The following SCN8A variants were observed in gnomAD, a reference collection of about 807,000 sequenced individuals.
SCN8A encodes sodium channel protein type 8 subunit alpha.
Under a neutral mutation model 184.1 loss-of-function variants are expected in SCN8A, and 30 were observed. The ratio of observed to expected loss-of-function variants is 0.16; its 90% confidence interval spans 0.12 to 0.22. The LOEUF (loss-of-function observed/expected upper bound fraction) is 0.22. SCN8A is among the 10% of genes least tolerant of loss of function. The probability of loss-of-function intolerance (pLI) is 1.00; values close to 1 mark genes in which losing one functional copy is unlikely to be tolerated. For synonymous variants in SCN8A, 852 were observed against 907.0 expected (o/e 0.94, Z 1.09); for missense variants, 1,057 against 2,498.9 (o/e 0.42, Z 12.30).
At position 51,711,598 on chromosome 12, in the gene SCN8A, C is replaced by G. The variant is rs1175060028; in HGVS notation, c.1635+4883C>G. The stretch of plus-strand genomic sequence containing the variant: ...GCTCCTAACCACCCCTTCTTTATTC[C>G]TGCACACGTACATGATCATCTCTTC... On this transcript the variant is annotated intron_variant, in intron 11 of 26. Coordinates refer to ENST00000627620, the MANE Select transcript of SCN8A (RefSeq NM_001330260.2). 2.0e-5 allele frequency among the ~76,000 whole-genome samples: 3 copies of G among 152,192 alleles called. No homozygotes were observed. The East Asian group carries it at 5.8e-4, about 29-fold the overall frequency.
At position 51,790,409 on chromosome 12, in the gene SCN8A, G is replaced by A. The variant is rs776206055; in HGVS notation, c.4431G>A (p.Gln1477=). Residue 1477 remains glutamine, a synonymous_variant, in exon 25 of 27, where the codon CAG becomes CAA. Transcript: ENST00000627620. Reference sequence around the variant, plus strand: ...CTTCCCTCCTTTACTTCGGAGGTCAGGACATCTTCATGACCGAAGAACAGA... The same window carrying A: ...CTTCCCTCCTTTACTTCGGAGGTCAAGACATCTTCATGACCGAAGAACAGA... The part of the protein sequence containing the change: ...FNQQKKKFGG[Q]DIFMTEEQKK... The A allele has an allele frequency of 1.9e-6, 3 of 1,606,482 alleles. No homozygotes were observed. Among genetic ancestry groups the A allele is most frequent in the East Asian group, 2.2e-5 (1 of 44,666 alleles).
rs557106910 is a variant in SCN8A, at chr12:51,773,025, G to A, written c.3646-1164G>A. 2.0e-5 allele frequency among the ~76,000 whole-genome samples: 3 copies of A among 152,210 alleles called. 1 individual carries two copies. Among genetic ancestry groups the A allele is most frequent in the African/African-American group, 7.2e-5 (3 of 41,520 alleles). On this transcript the variant is annotated intron_variant, in intron 19 of 26. Transcript: ENST00000627620. ...CCAGCTACTCGGAAGGCTGAGGCAG[G>A]AGAATGGCATGAACCCGGGAGGTGG...
At chr12:51,653,822 CA>C (rs2138657093) in intron 1 of SCN8A, among the ~76,000 whole-genome samples, 1 of 152,272 alleles carries the variant, frequency 6.6e-6, no homozygotes, top group Admixed American at 6.5e-5. Flanking sequence ...CATCCTCACC[CA>C]TACTTGTTAT....
intron 1 of SCN8A, among the ~76,000 whole-genome samples, chr12:51,629,115 G>C (rs576306126): frequency 6.6e-6 from 1 of 152,174 alleles, no homozygotes; most frequent in Non-Finnish European, 1.5e-5. Context: ...GCTCGTAGAG[G>C]CAAATTCTAA....
chr12:51,639,350 T>C (rs1258408268), intron 1 of SCN8A, among the ~76,000 whole-genome samples: 3 of 152,224 alleles, frequency 2.0e-5, no homozygotes, highest in Non-Finnish European at 4.4e-5. Context: ...ATTTAGAATA[T>C]TCCCTAAACT....
chr12:51,630,439 T>G (rs950029082), intron 1 of SCN8A, among the ~76,000 whole-genome samples: 1 of 152,144 alleles, frequency 6.6e-6, no homozygotes, highest in Admixed American at 6.5e-5. Context: ...GCATGTGTCA[T>G]GATTTCCTTC....
At chr12:51,783,307 A>C (rs1555227957) in intron 21 of SCN8A, among the ~76,000 whole-genome samples, 1 of 149,238 alleles carries the variant, frequency 6.7e-6, no homozygotes, top group Non-Finnish European at 1.5e-5. Flanking sequence ...TCTATGGGGC[A>C]TTTTTTTTTT....
chr12:51,600,839 C>T (rs867016032), intron 1 of SCN8A, among the ~76,000 whole-genome samples: 11 of 152,246 alleles, frequency 7.2e-5, no homozygotes, highest in Middle Eastern at 3.4e-3. Flanking sequence ...AATTATATTT[C>T]TTCTCACCAC....
At chr12:51,770,326 T>C in intron 18 of SCN8A, 1 of 616,692 alleles carries the variant, frequency 1.6e-6, no homozygotes, top group Non-Finnish European at 2.8e-6. Flanking sequence ...TCTTGACTCC[T>C]GAGGGCCTTG....
At chr12:51,761,393 A>G (rs1942760017) in intron 14 of SCN8A, among the ~76,000 whole-genome samples, 1 of 151,986 alleles carries the variant, frequency 6.6e-6, no homozygotes, top group South Asian at 2.1e-4. Flanking sequence ...GAAGTCTCCA[A>G]CAATAGGAAA....
intron 1 of SCN8A, among the ~76,000 whole-genome samples, chr12:51,619,592 T>G (rs1939917773): frequency 6.6e-6 from 1 of 152,206 alleles, no homozygotes; most frequent in South Asian, 2.1e-4. Flanking sequence ...ATCTTAAATC[T>G]TTATTCAAAC....
At chr12:51,804,494 C>G (rs963681951) in intron 26 of SCN8A, among the ~76,000 whole-genome samples, 1 of 34,238 alleles carries the variant, frequency 2.9e-5, no homozygotes, top group Non-Finnish European at 6.7e-5. Context: ...AATTTTTGTA[C>G]CTTTTTTTTT....
intron 1 of SCN8A, among the ~76,000 whole-genome samples, chr12:51,602,759 G>A (rs1939495602): frequency 6.6e-6 from 1 of 152,016 alleles, no homozygotes; most frequent in Non-Finnish European, 1.5e-5. Flanking sequence ...TGTGGCTTTG[G>A]GCCAATACAC....
At chr12:51,593,102 G>A (rs1007320236) in intron 1 of SCN8A, among the ~76,000 whole-genome samples, 1 of 152,092 alleles carries the variant, frequency 6.6e-6, no homozygotes, top group Non-Finnish European at 1.5e-5. Context: ...TTGAAATACT[G>A]CAGCATTTTT....
intron 6 of SCN8A, among the ~76,000 whole-genome samples, chr12:51,696,195 T>C (rs1446532761): frequency 6.6e-6 from 1 of 152,200 alleles, no homozygotes; most frequent in African/African-American, 2.4e-5. Context: ...ATTGTCTGAA[T>C]CGTCTGGAGA....
intron 1 of SCN8A, among the ~76,000 whole-genome samples, chr12:51,608,377 T>C (rs544522367): frequency 1.1e-4 from 16 of 152,226 alleles, no homozygotes; most frequent in African/African-American, 3.6e-4. Flanking sequence ...TGGACTTTTT[T>C]TTTATTGGTA....
chr12:51,651,499 G>T (rs1940713660), intron 1 of SCN8A, among the ~76,000 whole-genome samples: 1 of 152,234 alleles, frequency 6.6e-6, no homozygotes, highest in African/African-American at 2.4e-5. Context: ...CACTGGGCCT[G>T]GCTGGCACTT....
intron 11 of SCN8A, among the ~76,000 whole-genome samples, chr12:51,721,096 T>C (rs1383685067): frequency 3.0e-5 from 2 of 66,484 alleles, no homozygotes; most frequent in African/African-American, 1.0e-4. Context: ...TATATATATA[T>C]ATATATATAT....
At chr12:51,727,171 C>T (rs879803668) in intron 12 of SCN8A, among the ~76,000 whole-genome samples, 1 of 152,078 alleles carries the variant, frequency 6.6e-6, no homozygotes, top group Admixed American at 6.6e-5. Context: ...TGGCTAAATG[C>T]CCAAATAAAC....
Sources: allele counts gnomAD v4.1 joint callset (sites outside exome capture counted in the v4.1 genomes callset), GRCh38; gene constraint gnomAD v4.1.1; transcripts MANE v1.5; gene names NCBI Gene and HGNC (gene_info 2026-07-23, HGNC 2026-07-21).